PCSK2: variants seen among roughly 807,000 people sequenced by gnomAD.
The protein encoded by PCSK2 is proprotein convertase subtilisin/kexin type 2.
PCSK2 carries 14 observed loss-of-function variants against 69.7 expected under a neutral mutation model. That is an observed-to-expected ratio of 0.20 (90% CI 0.13 to 0.31). PCSK2 has a LOEUF of 0.31. PCSK2 is among the 10% of genes least tolerant of loss of function. The probability of loss-of-function intolerance (pLI) is 1.00; values close to 1 mark genes in which losing one functional copy is unlikely to be tolerated. For synonymous variants in PCSK2, 307 were observed against 320.7 expected, an observed-to-expected ratio of 0.96 and a Z score of 0.46; for missense variants, 544 against 842.5, an observed-to-expected ratio of 0.65 and a Z score of 4.39.
chr20:17,428,360 G>C (rs1312023284), intron 6 of PCSK2, among the ~76,000 whole-genome samples: 1 of 152,106 alleles, frequency 6.6e-6, no homozygotes, highest in Non-Finnish European at 1.5e-5. Context: ...GAAATATGTA[G>C]CCTTTATGGA....
At chr20:17,279,339 A>G (rs561638986) in intron 2 of PCSK2, among the ~76,000 whole-genome samples, 1 of 152,192 alleles carries the variant, frequency 6.6e-6, no homozygotes, top group Non-Finnish European at 1.5e-5. Flanking sequence ...GGAGGTCAAG[A>G]TCATTCTAAT....
At chr20:17,411,765 G>A (rs1253164745) in intron 6 of PCSK2, among the ~76,000 whole-genome samples, 1 of 152,216 alleles carries the variant, frequency 6.6e-6, no homozygotes. Context: ...CTCCCAGTAG[G>A]GGCCAACAGA....
intron 6 of PCSK2, among the ~76,000 whole-genome samples, chr20:17,420,918 G>A (rs953150369): frequency 3.3e-5 from 5 of 152,132 alleles, no homozygotes; most frequent in Non-Finnish European, 5.9e-5. Flanking sequence ...CTCCCTAACC[G>A]ACAACCAATA....
intron 2 of PCSK2, among the ~76,000 whole-genome samples, chr20:17,326,053 C>T (rs1482754493): frequency 6.6e-6 from 1 of 152,232 alleles, no homozygotes; most frequent in Admixed American, 6.5e-5. Context: ...AGTCATGGCC[C>T]ACTATCTCTT....
At chr20:17,430,290 T>C (rs1212595814) in intron 7 of PCSK2, among the ~76,000 whole-genome samples, 1 of 152,210 alleles carries the variant, frequency 6.6e-6, no homozygotes, top group Non-Finnish European at 1.5e-5. Context: ...TGTCTGAGAA[T>C]GGAGTGGCAC....
At chr20:17,296,455 C>A (rs1227308922) in intron 2 of PCSK2, among the ~76,000 whole-genome samples, 1 of 152,160 alleles carries the variant, frequency 6.6e-6, no homozygotes. Flanking sequence ...CCAAACCACT[C>A]GCGCCCCTCT....
At chr20:17,344,501 A>G (rs1418732363) in intron 2 of PCSK2, among the ~76,000 whole-genome samples, 2 of 152,244 alleles carry the variant, frequency 1.3e-5, no homozygotes, top group Non-Finnish European at 2.9e-5. Flanking sequence ...TGAAGAAGAA[A>G]GAACTGAGGA....
At chr20:17,309,751 G>T (rs1989441275) in intron 2 of PCSK2, among the ~76,000 whole-genome samples, 1 of 152,024 alleles carries the variant, frequency 6.6e-6, no homozygotes, top group Non-Finnish European at 1.5e-5. Flanking sequence ...TTGGAAGGAG[G>T]AGGTTGCAGT....
chr20:17,440,344 AC>A (rs1372721290), intron 8 of PCSK2, among the ~76,000 whole-genome samples: 8 of 152,190 alleles, frequency 5.3e-5, no homozygotes, highest in Admixed American at 2.0e-4. Flanking sequence ...AAATCATCTA[AC>A]CCTGAGATCC....
chr20:17,334,963 T>C (rs1990303838), intron 2 of PCSK2, among the ~76,000 whole-genome samples: 1 of 152,202 alleles, frequency 6.6e-6, no homozygotes, highest in African/African-American at 2.4e-5. Context: ...AACTCAGAAA[T>C]TGTGTGACTT....
At chr20:17,392,829 G>A (rs1441086437) in intron 5 of PCSK2, among the ~76,000 whole-genome samples, 1 of 152,110 alleles carries the variant, frequency 6.6e-6, no homozygotes, top group Admixed American at 6.6e-5. Context: ...TCCAGTCTGG[G>A]AACATTTGGA....
intron 1 of PCSK2, among the ~76,000 whole-genome samples, chr20:17,235,695 G>A (rs1039102738): frequency 6.6e-6 from 1 of 152,120 alleles, no homozygotes. Context: ...GCAAAACTAA[G>A]TCTACAGGAA....
chr20:17,466,094 G>A (rs1295120061), intron 11 of PCSK2, among the ~76,000 whole-genome samples: 2 of 152,164 alleles, frequency 1.3e-5, no homozygotes, highest in Non-Finnish European at 2.9e-5. Context: ...TTTCAGTGAT[G>A]TATGCCATTA....
intron 2 of PCSK2, among the ~76,000 whole-genome samples, chr20:17,350,157 C>T (rs1242676906): frequency 6.8e-6 from 1 of 146,522 alleles, no homozygotes; most frequent in Non-Finnish European, 1.5e-5. Flanking sequence ...CTCATCTTAA[C>T]TAATTACACC....
intron 2 of PCSK2, among the ~76,000 whole-genome samples, chr20:17,337,113 G>A (rs371909653): frequency 6.6e-6 from 1 of 152,150 alleles, no homozygotes; most frequent in Non-Finnish European, 1.5e-5. Flanking sequence ...GGAGCCAAAG[G>A]GCAGCAGATT....
At chr20:17,295,527 A>G (rs935950000) in intron 2 of PCSK2, among the ~76,000 whole-genome samples, 5 of 146,766 alleles carry the variant, frequency 3.4e-5, no homozygotes, top group African/African-American at 1.2e-4. Context: ...ATTTTTATAT[A>G]TATTTATTTA....
intron 5 of PCSK2, among the ~76,000 whole-genome samples, chr20:17,370,502 A>G (rs2030727515): frequency 6.6e-6 from 1 of 152,214 alleles, no homozygotes; most frequent in Non-Finnish European, 1.5e-5. Flanking sequence ...AATCCAGCCA[A>G]TGTGGCCCCA....
chr20:17,275,418 G>A (rs1051360091), intron 2 of PCSK2, among the ~76,000 whole-genome samples: 2 of 151,982 alleles, frequency 1.3e-5, no homozygotes, highest in Non-Finnish European at 2.9e-5. Context: ...GGTCCTCAAT[G>A]TCCCCATCTG....
At chr20:17,417,587 G>A (rs2032028591) in intron 6 of PCSK2, among the ~76,000 whole-genome samples, 1 of 152,188 alleles carries the variant, frequency 6.6e-6, no homozygotes, top group Admixed American at 6.5e-5. Flanking sequence ...GATTATGGGA[G>A]GCTGGTGAGG....
Sources: allele counts gnomAD v4.1 joint callset (sites outside exome capture counted in the v4.1 genomes callset), GRCh38; gene constraint gnomAD v4.1.1; transcripts MANE v1.5; gene names NCBI Gene and HGNC (gene_info 2026-07-23, HGNC 2026-07-21).